The following COA1 variants were observed in gnomAD, a reference collection of about 807,000 sequenced individuals.
COA1 encodes the protein cytochrome c oxidase assembly factor 1 homolog.
A neutral mutation model predicts 16.0 loss-of-function variants in COA1; 13 were observed. The ratio of observed to expected loss-of-function variants is 0.81; its 90% CI spans 0.53 to 1.29. The LOEUF is 1.29. Ranked by LOEUF, COA1 falls within the 50% of genes most tolerant of loss-of-function variation. The pLI, the probability that COA1 is intolerant of heterozygous loss-of-function variation, is 0.00. For synonymous variants in COA1, 65 were observed against 65.7 expected, an observed-to-expected ratio of 0.99 and a Z score of 0.05; for missense variants, 179 against 177.0, an observed-to-expected ratio of 1.01 and a Z score of -0.06.
chr7:43,693,831 T>C (rs1168927758), intron 1 of COA1, among the ~76,000 whole-genome samples: 2 of 151,800 alleles, frequency 1.3e-5, no homozygotes, highest in Non-Finnish European at 2.9e-5. Context: ...AGGAAAAAAA[T>C]AAACATAACT....
intron 1 of COA1, among the ~76,000 whole-genome samples, chr7:43,651,146 A>G (rs1424565418): frequency 6.6e-6 from 1 of 152,264 alleles, no homozygotes; most frequent in East Asian, 1.9e-4. Flanking sequence ...ATTACCTCTT[A>G]GAACTAGTCT....
intron 1 of COA1, among the ~76,000 whole-genome samples, chr7:43,710,415 C>G (rs1395470117): frequency 9.1e-6 from 1 of 110,384 alleles, no homozygotes; most frequent in African/African-American, 3.4e-5. Context: ...ATGTCCTAAA[C>G]AGTTGATTTA....
rs945496223 is a variant in COA1 at position 43,618,351 on chromosome 7, G to A, written c.*134-8856C>T. The stretch of plus-strand genomic sequence containing the variant: ...GGCAGAAAAGGGGAGAGGGCGTCCT[G>A]AACAAAGGCAGTACGTGTGTAAAGG... On this transcript the variant is annotated intron_variant and NMD_transcript_variant, in intron 6 of 6. Coordinates refer to the COA1 transcript ENST00000415076. 3.9e-5 allele frequency among the ~76,000 whole-genome samples: 6 copies of A among 152,290 alleles called. No individual in the cohort carries two copies. The East Asian group carries it at 1.2e-3, about 29-fold the overall frequency.
chr7:43,728,601 T>C (rs553470955), intron 1 of COA1, among the ~76,000 whole-genome samples: 2 of 152,190 alleles, frequency 1.3e-5, no homozygotes, highest in African/African-American at 2.4e-5. Context: ...CAAGACCCTG[T>C]AGGCCCTTGA....
At chr7:43,702,696 G>C (rs748271271) in intron 1 of COA1, among the ~76,000 whole-genome samples, 1 of 152,152 alleles carries the variant, frequency 6.6e-6, no homozygotes, top group Non-Finnish European at 1.5e-5. Flanking sequence ...TTTCTGTGGG[G>C]TTGGTGGTAA....
intron 1 of COA1, among the ~76,000 whole-genome samples, chr7:43,674,632 A>G (rs2093429041): frequency 6.6e-6 from 1 of 152,246 alleles, no homozygotes; most frequent in East Asian, 1.9e-4. Flanking sequence ...TGCTTTGTCC[A>G]TAATTTTAGT....
chr7:43,714,087 C>T (rs1262607597), intron 1 of COA1, among the ~76,000 whole-genome samples: 4 of 152,126 alleles, frequency 2.6e-5, no homozygotes, highest in Admixed American at 2.6e-4. Flanking sequence ...GTCCCAGCTA[C>T]TCAGGAGGGA....
chr7:43,652,716 G>C (rs537533070), intron 1 of COA1, among the ~76,000 whole-genome samples: 1 of 147,274 alleles, frequency 6.8e-6, no homozygotes, highest in East Asian at 1.9e-4. Flanking sequence ...AAGGGAACAA[G>C]GTAAAAAAAG....
intron 1 of COA1, among the ~76,000 whole-genome samples, chr7:43,656,877 A>G (rs2091796428): frequency 6.6e-6 from 1 of 152,024 alleles, no homozygotes; most frequent in African/African-American, 2.4e-5. Flanking sequence ...ATCGCTTTCC[A>G]GTTTTAGCAA....
chr7:43,650,576 C>G (rs2090534262), intron 1 of COA1: 1 of 152,076 alleles, frequency 6.6e-6, no homozygotes, highest in Non-Finnish European at 1.5e-5. Flanking sequence ...GCTTGAGGAG[C>G]TACAAGGTCC....
At chr7:43,681,327 T>A (rs2093758954) in intron 1 of COA1, among the ~76,000 whole-genome samples, 2 of 152,244 alleles carry the variant, frequency 1.3e-5, no homozygotes, top group Non-Finnish European at 2.9e-5. Context: ...AAAATCTCAT[T>A]CTGATTTTTT....
intron 1 of COA1, among the ~76,000 whole-genome samples, chr7:43,663,857 T>C (rs2092672904): frequency 1.3e-5 from 2 of 151,962 alleles, no homozygotes; most frequent in Admixed American, 1.3e-4. Flanking sequence ...ACACCTGTAA[T>C]CCCAACACTT....
At chr7:43,623,856 T>G (rs1044326727) in intron 6 of COA1, 1 of 1,590,560 alleles carries the variant, frequency 6.3e-7, no homozygotes, top group Non-Finnish European at 8.5e-7. Flanking sequence ...CGGCTGTTGA[T>G]TTCATCAGGA....
At chr7:43,663,666 C>CAAAA (rs759423078) in intron 1 of COA1, among the ~76,000 whole-genome samples, 16 of 70,598 alleles carry the variant, frequency 2.3e-4, no homozygotes, top group East Asian at 8.7e-4. Context: ...GACCCTATCT[C>CAAAA]AAAAAAAAAA....
At chr7:43,633,846 C>T (rs1379526490) in intron 6 of COA1, among the ~76,000 whole-genome samples, 1 of 152,114 alleles carries the variant, frequency 6.6e-6, no homozygotes, top group African/African-American at 2.4e-5. Context: ...CCTCCCTCTC[C>T]TCTTTCTTAG....
downstream of COA1, among the ~76,000 whole-genome samples, chr7:43,636,385 C>A (rs2085879259): frequency 6.6e-6 from 1 of 152,138 alleles, no homozygotes; most frequent in Non-Finnish European, 1.5e-5. Context: ...ATCTTTTGCC[C>A]AAGCATCCCA....
At chr7:43,631,735 A>C (rs1041089683) in intron 6 of COA1, 3 of 152,192 alleles carry the variant, frequency 2.0e-5, no homozygotes, top group African/African-American at 7.2e-5. Context: ...TCAGCTTCTT[A>C]AATACAGGCA....
chr7:43,685,049 C>T (rs1341801009), intron 1 of COA1, among the ~76,000 whole-genome samples: 1 of 151,132 alleles, frequency 6.6e-6, no homozygotes, highest in South Asian at 2.1e-4. Context: ...TTTGGGAAAC[C>T]GAGGCAGAAG....
At chr7:43,721,399 C>T (rs2095502848) in intron 1 of COA1, among the ~76,000 whole-genome samples, 1 of 152,170 alleles carries the variant, frequency 6.6e-6, no homozygotes, top group Admixed American at 6.5e-5. Flanking sequence ...TAGCACAACA[C>T]TGCCACCTGT....
Sources: gnomAD v4.1 joint callset for allele counts (sites outside exome capture counted in the v4.1 genomes callset) on GRCh38, gnomAD v4.1.1 for gene constraint, MANE v1.5 for transcripts, NCBI Gene and HGNC (gene_info 2026-07-23, HGNC 2026-07-21) for gene names.